The following SULF1 variants were observed in gnomAD, a reference collection of about 807,000 sequenced individuals.
SULF1 encodes the protein sulfatase 1.
Under a neutral mutation model 110.5 loss-of-function variants are expected in SULF1, and 46 were observed. The observed-to-expected ratio is 0.42, with a 90% CI of 0.33 to 0.53. The LOEUF is 0.53. SULF1 is among the 20% of genes least tolerant of loss of function. The pLI is 0.12. For missense variants in SULF1, 941 were observed against 1,094.2 expected, an observed-to-expected ratio of 0.86 and a Z score of 1.98; for synonymous variants, 371 against 387.1, an observed-to-expected ratio of 0.96 and a Z score of 0.49.
At chr8:69,493,720 G>A (rs979778668) in intron 1 of SULF1, among the ~76,000 whole-genome samples, 1 of 152,188 alleles carries the variant, frequency 6.6e-6, no homozygotes, top group African/African-American at 2.4e-5. Context: ...GTGGACATGT[G>A]AATTTTTATT....
At chr8:69,504,916 T>A (rs2150578243) in intron 3 of SULF1, among the ~76,000 whole-genome samples, 1 of 152,334 alleles carries the variant, frequency 6.6e-6, no homozygotes, top group Non-Finnish European at 1.5e-5. Context: ...AGGGACCACT[T>A]TACTGGACCT....
intron 3 of SULF1, among the ~76,000 whole-genome samples, chr8:69,530,211 G>C (rs1419811122): frequency 1.3e-5 from 2 of 152,140 alleles, no homozygotes; most frequent in East Asian, 3.9e-4. Flanking sequence ...ATCAAATGTA[G>C]GATTTGTCAC....
intron 6 of SULF1, among the ~76,000 whole-genome samples, 192 bp from the exon 7 acceptor site, chr8:69,586,165 A>AT (rs1806446604): frequency 6.6e-6 from 1 of 152,140 alleles, no homozygotes; most frequent in Non-Finnish European, 1.5e-5. Flanking sequence ...ACTTCTATTT[A>AT]TTTTTTAAAA....
chr8:69,595,807 T>C (rs776164647), intron 8 of SULF1, among the ~76,000 whole-genome samples: 1 of 152,198 alleles, frequency 6.6e-6, no homozygotes, highest in Non-Finnish European at 1.5e-5. Flanking sequence ...CCAAAGGCCA[T>C]CGACATTAAA....
chr8:69,571,772 A>C (rs1235362624), intron 5 of SULF1, among the ~76,000 whole-genome samples: 2 of 152,244 alleles, frequency 1.3e-5, no homozygotes, highest in African/African-American at 4.8e-5. Flanking sequence ...GCCAATAAAA[A>C]AATCAATGGC....
intron 3 of SULF1, among the ~76,000 whole-genome samples, chr8:69,536,880 C>T (rs957159561): frequency 6.6e-6 from 1 of 152,112 alleles, no homozygotes; most frequent in Non-Finnish European, 1.5e-5. Flanking sequence ...ATGGCCCTCC[C>T]AGGGAGGAAG....
At chr8:69,647,748 C>T (rs559487291) in intron 22 of SULF1, among the ~76,000 whole-genome samples, 4 of 151,896 alleles carry the variant, frequency 2.6e-5, no homozygotes, top group Admixed American at 6.6e-5. Context: ...CAAAATTACC[C>T]GGACGTGGTG....
chr8:69,590,917 C>T (rs1449250879), intron 8 of SULF1, among the ~76,000 whole-genome samples: 5 of 152,178 alleles, frequency 3.3e-5, no homozygotes, highest in Admixed American at 2.6e-4. Context: ...GTCCTGCGGG[C>T]TTTTTCAATA....
At chr8:69,579,530 C>T (rs1460496311) in intron 6 of SULF1, among the ~76,000 whole-genome samples, 1 of 109,666 alleles carries the variant, frequency 9.1e-6, no homozygotes, top group Non-Finnish European at 1.7e-5. Flanking sequence ...GCCTGGGCAA[C>T]AAAGCAAGAC....
chr8:69,485,538 T>G (rs1001141168), intron 1 of SULF1, among the ~76,000 whole-genome samples: 2 of 152,158 alleles, frequency 1.3e-5, no homozygotes, highest in Admixed American at 6.5e-5. Context: ...TTCTTCCTAA[T>G]GCACCTGCCA....
chr8:69,624,485 G>A (rs548607882), intron 15 of SULF1, among the ~76,000 whole-genome samples: 10 of 152,314 alleles, frequency 6.6e-5, no homozygotes, highest in South Asian at 2.1e-4. Context: ...GAGTAATTCC[G>A]TCACATCTTG....
At chr8:69,513,051 G>T (rs1268699720) in intron 3 of SULF1, among the ~76,000 whole-genome samples, 1 of 152,044 alleles carries the variant, frequency 6.6e-6, no homozygotes, top group African/African-American at 2.4e-5. Context: ...TAGATTCTGT[G>T]TGTTTTTAGA....
At chr8:69,501,610 G>A (rs763469947) in intron 2 of SULF1, among the ~76,000 whole-genome samples, 42 of 152,206 alleles carry the variant, frequency 2.8e-4, no homozygotes, top group Admixed American at 5.2e-4. Context: ...TCCAGTCAAA[G>A]AATGATATGA....
At chr8:69,613,234 A>C (rs1022068338) in intron 13 of SULF1, among the ~76,000 whole-genome samples, 3 of 147,606 alleles carry the variant, frequency 2.0e-5, no homozygotes, top group Non-Finnish European at 4.5e-5. Context: ...TGCCAGTACC[A>C]TGCTGTTTTG....
At chr8:69,611,957 T>C (rs750942854) in intron 13 of SULF1, among the ~76,000 whole-genome samples, 1 of 152,180 alleles carries the variant, frequency 6.6e-6, no homozygotes, top group Non-Finnish European at 1.5e-5. Flanking sequence ...ACCCAAGCAG[T>C]GTATACTATA....
In SULF1 at chr8:69,638,943, C is replaced by T. The variant is rs142936274; in HGVS notation, c.2551+85C>T. On this transcript the variant is annotated intron_variant, in intron 21 of 22. Transcript: ENST00000402687. ...TTTCTGCCTTGGAAACATTTAATTGCACAGAAACATATAATTCAAGATACT... is the reference window on the plus strand; with the variant it reads ...TTTCTGCCTTGGAAACATTTAATTGTACAGAAACATATAATTCAAGATACT... The T allele has an allele frequency of 6.2e-4, 815 of 1,305,288 alleles. 3 individuals carry two copies. In the African/African-American group the frequency reaches 0.011, roughly 18 times the overall value. The allele number at this position is 1,305,288 out of a possible 1,614,324, so 80.9% of individuals were successfully genotyped here. A position where few individuals can be genotyped will look rare whatever the true frequency, so the allele number is the denominator to read the frequency against.
At chr8:69,598,907 A>G (rs972001740) in intron 8 of SULF1, among the ~76,000 whole-genome samples, 14 of 152,220 alleles carry the variant, frequency 9.2e-5, no homozygotes, top group African/African-American at 3.1e-4. Context: ...ACCAGCACCC[A>G]TCCTGGTCAC....
intron 13 of SULF1, among the ~76,000 whole-genome samples, chr8:69,607,707 C>T (rs929203991): frequency 1.3e-5 from 2 of 152,186 alleles, no homozygotes; most frequent in African/African-American, 4.8e-5. Context: ...TGGCCTTTTG[C>T]TCTTTCTTTC....
At chr8:69,533,571 A>G (rs1813246898) in intron 3 of SULF1, among the ~76,000 whole-genome samples, 1 of 152,192 alleles carries the variant, frequency 6.6e-6, no homozygotes, top group East Asian at 1.9e-4. Context: ...TGTCCCTGCA[A>G]AGGACGTGAT....
Sources: gnomAD v4.1 joint callset for allele counts (sites outside exome capture counted in the v4.1 genomes callset) on GRCh38, gnomAD v4.1.1 for gene constraint, MANE v1.5 for transcripts, NCBI Gene and HGNC (gene_info 2026-07-23, HGNC 2026-07-21) for gene names.